The following TTBK2 variants were observed in gnomAD, a reference collection of about 807,000 sequenced individuals.
TTBK2 encodes tau-tubulin kinase 2.
A neutral mutation model predicts 110.8 loss-of-function variants in TTBK2; 28 were observed. That is an observed-to-expected ratio of 0.25 (90% CI 0.19 to 0.35). The LOEUF is 0.35. Ranked by LOEUF, TTBK2 falls within the 10% of genes least tolerant of loss-of-function variation. TTBK2 has a pLI of 1.00. For missense variants in TTBK2, 1,369 were observed against 1,500.3 expected (o/e 0.91, Z 1.45); for synonymous variants, 532 against 527.3 (o/e 1.01, Z -0.12).
chr15:42,800,201 A>G, intron 9 of TTBK2: 2 of 409,408 alleles, frequency 4.9e-6, no homozygotes, highest in Non-Finnish European at 4.7e-6. Context: ...AACTTTTATA[A>G]TGACCACATA....
At chr15:42,900,627 C>G (rs2029934397) in intron 1 of TTBK2, among the ~76,000 whole-genome samples, 1 of 151,964 alleles carries the variant, frequency 6.6e-6, no homozygotes. Context: ...GAGACTGAGT[C>G]AGGAGAATCG....
rs756527828 is a variant in TTBK2, at chr15:42,752,215, G to T, written c.3031C>A (p.Pro1011Thr). 6.2e-7 allele frequency: 1 copy of T among 1,614,094 alleles called. No homozygotes were observed. The highest frequency in any genetic ancestry group is 1.1e-5 in the South Asian group (1 of 91,074). The change falls in exon 14 of 15, where the codon CCT becomes ACT. Residue 1011 changes from proline (P) to threonine (T), a missense_variant. Coordinates refer to ENST00000267890, the MANE Select transcript of TTBK2 (RefSeq NM_173500.4). Reference sequence around the variant, plus strand: ...ACTTCCTCCTCACAAAAGGGAGCAGGAACAGTAGCTAGTTTCTCCTCTAGC... The same window carrying T: ...ACTTCCTCCTCACAAAAGGGAGCAGTAACAGTAGCTAGTTTCTCCTCTAGC... The part of the protein sequence containing the change: ...KLLEEKLATV[P>T]APFCEEEVLT...
intron 9 of TTBK2, chr15:42,801,075 A>G (rs745428288): frequency 1.3e-6 from 1 of 782,914 alleles, no homozygotes; most frequent in Non-Finnish European, 2.3e-6. Flanking sequence ...GCTGGAGCCC[A>G]TGCCAGAGCC....
At chr15:42,867,859 A>AT (rs1163192218) in intron 3 of TTBK2, among the ~76,000 whole-genome samples, 2 of 152,254 alleles carry the variant, frequency 1.3e-5, no homozygotes, top group Non-Finnish European at 2.9e-5. Context: ...TAGAAAACTT[A>AT]TATCCACACA....
chr15:42,916,575 C>T (rs900022465), intron 1 of TTBK2, among the ~76,000 whole-genome samples: 2 of 152,184 alleles, frequency 1.3e-5, no homozygotes, highest in African/African-American at 4.8e-5. Context: ...GATTCAATTA[C>T]CTACCTTGGC....
intron 13 of TTBK2, among the ~76,000 whole-genome samples, chr15:42,758,511 C>T (rs958296855): frequency 2.0e-5 from 3 of 151,874 alleles, no homozygotes; most frequent in African/African-American, 7.3e-5. Flanking sequence ...CAAAATTAGC[C>T]AGGCATGGTG....
At chr15:42,918,065 GTATT>G (rs10587604) in intron 1 of TTBK2, among the ~76,000 whole-genome samples, 36,047 of 150,790 alleles carry the variant, frequency 0.24, 5,138 homozygotes, top group African/African-American at 0.4. Context: ...TCATAGATTT[GTATT>G]TATTTATTTA....
chr15:42,758,654 CAA>C lies in TTBK2; in HGVS notation c.1999-5409_1999-5408del, dbSNP rs59064527. On this transcript the variant is annotated intron_variant, in intron 13 of 14. Coordinates refer to ENST00000267890, the MANE Select transcript of TTBK2 (RefSeq NM_173500.4). ...TGGGTGACAAAGTGAGATTCCATCTCAAAAAAAAAAAAAAAAAAAAAGAAGCC... is the reference window on the plus strand; with the variant it reads ...TGGGTGACAAAGTGAGATTCCATCTCAAAAAAAAAAAAAAAAAAAGAAGCC... 8.0e-3 allele frequency among the ~76,000 whole-genome samples: 533 copies of C among 66,434 alleles called. 3 individuals carry two copies. The highest frequency in any genetic ancestry group is 0.027 in the Middle Eastern group (3 of 112). The allele number at this position is 66,434 out of a possible 152,430, so 43.6% of individuals were successfully genotyped here. A position where few individuals can be genotyped will look rare whatever the true frequency, so the allele number is the denominator to read the frequency against.
At chr15:42,884,151 C>T (rs1895155612) in intron 1 of TTBK2, among the ~76,000 whole-genome samples, 1 of 152,070 alleles carries the variant, frequency 6.6e-6, no homozygotes, top group Admixed American at 6.5e-5. Context: ...ACAGACAAAT[C>T]CGTGGTTATA....
intron 7 of TTBK2, among the ~76,000 whole-genome samples, chr15:42,813,450 A>T (rs1249526805): frequency 6.6e-6 from 1 of 152,114 alleles, no homozygotes; most frequent in African/African-American, 2.4e-5. Flanking sequence ...TGAGCCCAGG[A>T]GGTTGAGACT....
intron 14 of TTBK2, among the ~76,000 whole-genome samples, chr15:42,749,981 G>A (rs559311416): frequency 6.6e-6 from 1 of 152,280 alleles, no homozygotes; most frequent in East Asian, 1.9e-4. Flanking sequence ...AGATACTCAG[G>A]AGGCTGAGGC....
intron 3 of TTBK2, among the ~76,000 whole-genome samples, chr15:42,860,741 C>T (rs1453460300): frequency 1.3e-5 from 2 of 148,488 alleles, no homozygotes; most frequent in Non-Finnish European, 3.0e-5. Context: ...TCTCAGCTCA[C>T]TGCAACCTCC....
At chr15:42,908,658 C>T (rs1386686661) in intron 1 of TTBK2, among the ~76,000 whole-genome samples, 1 of 152,096 alleles carries the variant, frequency 6.6e-6, no homozygotes, top group East Asian at 1.9e-4. Context: ...GCTTGCTAAT[C>T]GTCCAGTGTA....
At chr15:42,783,888 C>T (rs545755271) in intron 10 of TTBK2, among the ~76,000 whole-genome samples, 15 of 151,956 alleles carry the variant, frequency 9.9e-5, no homozygotes, top group African/African-American at 3.6e-4. Context: ...ATGGTGAAAC[C>T]CTGTCTCTAC....
chr15:42,795,040 A>G (rs1042430973), intron 9 of TTBK2, among the ~76,000 whole-genome samples: 2 of 152,226 alleles, frequency 1.3e-5, no homozygotes, highest in Admixed American at 6.5e-5. Flanking sequence ...ATGAAGCATC[A>G]TATCTATAAC....
intron 3 of TTBK2, among the ~76,000 whole-genome samples, chr15:42,845,947 G>A (rs1036203278): frequency 3.3e-5 from 5 of 151,958 alleles, no homozygotes; most frequent in African/African-American, 9.7e-5. Flanking sequence ...GTACCTAAAC[G>A]TGCAAAAGGT....
At chr15:42,840,596 C>T in intron 3 of TTBK2, 163 bp from the exon 4 acceptor site, 3 of 733,284 alleles carry the variant, frequency 4.1e-6, no homozygotes, top group Non-Finnish European at 5.0e-6. Flanking sequence ...CCTACCTCTT[C>T]TCCTCCCAGG....
At chr15:42,825,268 C>T (rs1892480584) in intron 6 of TTBK2, among the ~76,000 whole-genome samples, 1 of 152,110 alleles carries the variant, frequency 6.6e-6, no homozygotes, top group African/African-American at 2.4e-5. Context: ...TGCTCCCTAA[C>T]TCCAAAACAA....
intron 6 of TTBK2, among the ~76,000 whole-genome samples, chr15:42,826,344 A>G (rs892590196): frequency 2.0e-5 from 3 of 152,190 alleles, no homozygotes; most frequent in Non-Finnish European, 4.4e-5. Flanking sequence ...CTGAGACCAA[A>G]TAAGACTTGG....
Sources: allele counts gnomAD v4.1 joint callset (sites outside exome capture counted in the v4.1 genomes callset), GRCh38; gene constraint gnomAD v4.1.1; transcripts MANE v1.5; gene names NCBI Gene and HGNC (gene_info 2026-07-23, HGNC 2026-07-21).